The following LRFN5 variants were observed in gnomAD, a reference collection of about 807,000 sequenced individuals.
The protein encoded by LRFN5 is leucine-rich repeat and fibronectin type-III domain-containing protein 5.
In LRFN5, 24 loss-of-function variants were observed where a neutral mutation model predicts 45.6. That is an observed-to-expected ratio of 0.53 (90% confidence interval 0.38 to 0.74). The LOEUF (loss-of-function observed/expected upper bound fraction) is 0.74, where lower values mean the gene tolerates loss of function less well. Among genes scored for constraint, LRFN5 ranks in the 30% least tolerant of loss-of-function variants. The pLI, the probability that LRFN5 is intolerant of heterozygous loss-of-function variation, is 0.00. For missense variants in LRFN5, 776 were observed against 861.5 expected (o/e 0.90, Z 1.24); for synonymous variants, 340 against 313.8 (o/e 1.08, Z -0.88).
intron 1 of LRFN5, among the ~76,000 whole-genome samples, chr14:41,743,529 G>A (rs1036736973): frequency 6.6e-6 from 1 of 152,158 alleles, no homozygotes; most frequent in Non-Finnish European, 1.5e-5. Context: ...CTAGAGATTG[G>A]GGAAGGATGA....
chr14:41,877,430 G>A (rs1001564794), intron 2 of LRFN5, among the ~76,000 whole-genome samples: 1 of 152,068 alleles, frequency 6.6e-6, no homozygotes, highest in South Asian at 2.1e-4. Flanking sequence ...GTTAGAGAAG[G>A]CATGATCATG....
At chr14:41,802,404 A>T (rs1887366846) in intron 2 of LRFN5, among the ~76,000 whole-genome samples, 1 of 152,118 alleles carries the variant, frequency 6.6e-6, no homozygotes, top group Admixed American at 6.6e-5. Flanking sequence ...GTGATCTAAT[A>T]CTAAGGGTAG....
At chr14:41,817,155 T>G (rs1320770534) in intron 2 of LRFN5, among the ~76,000 whole-genome samples, 1 of 152,092 alleles carries the variant, frequency 6.6e-6, no homozygotes, top group East Asian at 1.9e-4. Context: ...TTTTTATATC[T>G]CTGCTTACAT....
At chr14:41,779,140 G>A (rs977052175) in intron 2 of LRFN5, among the ~76,000 whole-genome samples, 1 of 151,730 alleles carries the variant, frequency 6.6e-6, no homozygotes, top group African/African-American at 2.4e-5. Flanking sequence ...TAGGTATTTG[G>A]TAAATGTTCT....
intron 2 of LRFN5, among the ~76,000 whole-genome samples, chr14:41,826,979 A>G (rs1888320720): frequency 1.4e-5 from 1 of 73,152 alleles, no homozygotes; most frequent in Non-Finnish European, 3.2e-5. Flanking sequence ...CACATTGAGT[A>G]AAACAGATCA....
chr14:41,612,474 T>C (rs1208111275), intron 1 of LRFN5, among the ~76,000 whole-genome samples: 4 of 152,172 alleles, frequency 2.6e-5, no homozygotes, highest in Admixed American at 2.6e-4. Context: ...ATTTTATGTT[T>C]TATGTATTAT....
intron 1 of LRFN5, among the ~76,000 whole-genome samples, chr14:41,761,319 TGGG>T (rs1885654090): frequency 6.9e-6 from 1 of 144,602 alleles, no homozygotes; most frequent in African/African-American, 2.6e-5. Flanking sequence ...AAGGAAGAAA[TGGG>T]GGATACAGGA....
intron 1 of LRFN5, among the ~76,000 whole-genome samples, chr14:41,747,243 T>TA (rs1196666683): frequency 6.6e-6 from 1 of 151,972 alleles, no homozygotes; most frequent in East Asian, 1.9e-4. Flanking sequence ...ACAATATATA[T>TA]TTTTTAAAGC....
intron 2 of LRFN5, among the ~76,000 whole-genome samples, chr14:41,868,549 C>A (rs2139113084): frequency 6.6e-6 from 1 of 152,128 alleles, no homozygotes; most frequent in East Asian, 1.9e-4. Context: ...AAATATGAGT[C>A]CCTGTTCTCC....
At position 41,891,754 on chromosome 14, in the gene LRFN5, T is replaced by G; in HGVS notation, c.1890T>G (p.Pro630=). The change falls in exon 4 of 6, where the codon CCT becomes CCG. Residue 630 remains proline, a synonymous_variant. Transcript: ENST00000298119. The stretch of plus-strand genomic sequence containing the variant: ...CCTCTACCACTACCTCTGCTTTGCC[T>G]CCTTCCTGGACTTCAAGCACTTCTG... ...QDSSTTTSAL[P]PSWTSSTSVS... The G allele has an allele frequency of 1.2e-6, 2 of 1,614,166 alleles. No individual in the cohort carries two copies. The highest frequency in any genetic ancestry group is 1.6e-4 in the Middle Eastern group (1 of 6,062).
intron 1 of LRFN5, among the ~76,000 whole-genome samples, chr14:41,674,287 C>T (rs1329696805): frequency 1.6e-5 from 2 of 127,040 alleles, no homozygotes; most frequent in African/African-American, 3.0e-5. Context: ...CGGGCAGAGG[C>T]GTCCCTCACC....
chr14:41,862,966 G>A (rs183759274), intron 2 of LRFN5, among the ~76,000 whole-genome samples: 1,762 of 147,842 alleles, frequency 0.012, 10 homozygotes, highest in Admixed American at 0.021. Flanking sequence ...CCAGGTTCAC[G>A]CCATTCTCCT....
At chr14:41,656,812 T>G (rs1308452340) in intron 1 of LRFN5, among the ~76,000 whole-genome samples, 1 of 151,896 alleles carries the variant, frequency 6.6e-6, no homozygotes, top group Non-Finnish European at 1.5e-5. Flanking sequence ...TGACATTATT[T>G]TATTTCAATT....
At chr14:41,771,186 C>T (rs1191989653) in intron 2 of LRFN5, among the ~76,000 whole-genome samples, 1 of 150,220 alleles carries the variant, frequency 6.7e-6, no homozygotes, top group Non-Finnish European at 1.5e-5. Context: ...ATTCTATTCT[C>T]CTGGGCCTCT....
In LRFN5 at chr14:41,856,675, A is replaced by ATTATTATTATTT; in HGVS notation, c.-20-29929_-20-29928insATTATTATTTTT. On this transcript the variant is annotated intron_variant, in intron 2 of 5. Coordinates refer to ENST00000298119, the MANE Select transcript of LRFN5 (RefSeq NM_152447.5). ...TTCTTTCCTAATTATTATTATTATT[A>ATTATTATTATTT]TTTTTTTTTTTTTTTTTTTGAGACG... Among the ~76,000 whole-genome samples the ATTATTATTATTT allele has an allele frequency of 7.1e-4, 13 of 18,332 alleles. 1 individual carries two copies. Among genetic ancestry groups the ATTATTATTATTT allele is most frequent in the South Asian group, 5.1e-3 (1 of 198 alleles). The allele number at this position is 18,332 out of a possible 152,430, so 12.0% of individuals were successfully genotyped here.
chr14:41,700,851 G>T (rs1244007537), intron 1 of LRFN5: 1 of 152,096 alleles, frequency 6.6e-6, no homozygotes, highest in Non-Finnish European at 1.5e-5. Flanking sequence ...AGAATGCAAG[G>T]TAGTTAACCT....
At chr14:41,738,751 T>C (rs1049020152) in intron 1 of LRFN5, among the ~76,000 whole-genome samples, 2 of 152,164 alleles carry the variant, frequency 1.3e-5, no homozygotes, top group Non-Finnish European at 2.9e-5. Context: ...TTCAATATTC[T>C]CCCTTTAACT....
At chr14:41,641,388 A>G (rs1191376917) in intron 1 of LRFN5, among the ~76,000 whole-genome samples, 1 of 152,012 alleles carries the variant, frequency 6.6e-6, no homozygotes, top group Non-Finnish European at 1.5e-5. Flanking sequence ...TTCCCGTACC[A>G]TTTTTTATTG....
In LRFN5 at chr14:41,891,480, C is replaced by T; in HGVS notation, c.1616C>T (p.Ala539Val). Residue 539 changes from alanine (A) to valine (V), a missense_variant, in exon 4 of 6, where the codon GCA becomes GTA. By Grantham distance (64) the Ala-to-Val change is moderately conservative. Transcript: ENST00000298119. The part of the protein sequence containing the change: ...MIIIIGGIIV[A>V]SVLVFIIILM... ...ATTATTATTGGTGGAATCATTGTAG[C>T]ATCTGTGCTGGTATTCATCATTATT... 1 of 1,614,152 alleles carries T rather than the reference C, an allele frequency of 6.2e-7. No homozygotes were observed. Among genetic ancestry groups the T allele is most frequent in the Non-Finnish European group, 8.5e-7 (1 of 1,180,024 alleles).
Sources: gnomAD v4.1 joint callset for allele counts (sites outside exome capture counted in the v4.1 genomes callset) on GRCh38, gnomAD v4.1.1 for gene constraint, MANE v1.5 for transcripts, NCBI Gene and HGNC (gene_info 2026-07-23, HGNC 2026-07-21) for gene names.